The following WDR76 variants were observed in gnomAD, a reference collection of about 807,000 sequenced individuals.
WDR76 encodes WD repeat domain 76.
A neutral mutation model predicts 70.2 loss-of-function variants in WDR76; 52 were observed. The ratio of observed to expected loss-of-function variants is 0.74; its 90% CI spans 0.59 to 0.93. The LOEUF is 0.93. Ranked by LOEUF, WDR76 falls within the 40% of genes least tolerant of loss-of-function variation. The pLI is 0.00. For missense variants in WDR76, 756 were observed against 760.2 expected, an observed-to-expected ratio of 0.99 and a Z score of 0.07; for synonymous variants, 292 against 271.1, an observed-to-expected ratio of 1.08 and a Z score of -0.76.
chr15:43,864,041 T>C (rs1048333972), intron 12 of WDR76: 1 of 152,222 alleles, frequency 6.6e-6, no homozygotes, highest in Non-Finnish European at 1.5e-5. Flanking sequence ...AGTGAGGTCA[T>C]GTGGTATATG....
intron 12 of WDR76, 71 bp downstream of exon 12, chr15:43,861,457 A>G: frequency 7.4e-7 from 1 of 1,350,364 alleles, no homozygotes; most frequent in Non-Finnish European, 1.1e-6. Context: ...CATACATTAG[A>G]CATCTGATTG....
chr15:43,863,122 A>G (rs1444110236), intron 12 of WDR76, among the ~76,000 whole-genome samples: 1 of 152,126 alleles, frequency 6.6e-6, no homozygotes, highest in Non-Finnish European at 1.5e-5. Context: ...TTTTTTTAGT[A>G]GAGACAGGGT....
chr15:43,834,001 A>G (rs918606672), intron 2 of WDR76, among the ~76,000 whole-genome samples: 1 of 152,208 alleles, frequency 6.6e-6, no homozygotes, highest in Non-Finnish European at 1.5e-5. Flanking sequence ...CGAACAATGA[A>G]TTGGATATTG....
intron 12 of WDR76, among the ~76,000 whole-genome samples, chr15:43,862,276 CTTTTT>C: frequency 7.1e-5 from 3 of 42,168 alleles, no homozygotes; most frequent in African/African-American, 1.9e-4. Context: ...TTATCAGTTT[CTTTTT>C]TTTTTTTTTT....
chr15:43,844,675 C>T (rs1377921613), intron 8 of WDR76, among the ~76,000 whole-genome samples: 4 of 150,412 alleles, frequency 2.7e-5, no homozygotes, highest in Non-Finnish European at 4.4e-5. Flanking sequence ...TTTGGGAGGC[C>T]GAGGCGGGTG....
chr15:43,834,110 T>C (rs1298389973), intron 2 of WDR76, among the ~76,000 whole-genome samples: 1 of 152,140 alleles, frequency 6.6e-6, no homozygotes, highest in Non-Finnish European at 1.5e-5. Flanking sequence ...TTAAAAACTA[T>C]TGAGTTCTTA....
intron 5 of WDR76, 52 bp downstream of exon 5, chr15:43,839,780 T>G: frequency 6.6e-7 from 1 of 1,518,470 alleles, no homozygotes; most frequent in African/African-American, 1.4e-5. Flanking sequence ...ACTGAAAAAT[T>G]TGAAGTGTTG....
rs1012261515 is a variant in WDR76, at chr15:43,839,603, A to G, written c.609-2A>G. 2.1e-5 allele frequency: 34 copies of G among 1,606,550 alleles called. No homozygotes were observed. The Admixed American group carries it at 3.6e-4, about 17-fold the overall frequency. The stretch of plus-strand genomic sequence containing the variant: ...AACATGAGTTTTTCCCCACTCCTTT[A>G]GAAAGAAGCCTAAGAGAGAAAATGG... On this transcript the variant is annotated splice_acceptor_variant, in intron 4 of 12. Transcript: ENST00000263795. LOFTEE classifies it high-confidence loss of function.
chr15:43,865,080 C>G (rs1351431468), intron 12 of WDR76, among the ~76,000 whole-genome samples: 1 of 151,856 alleles, frequency 6.6e-6, no homozygotes, highest in Non-Finnish European at 1.5e-5. Context: ...CACCACCATG[C>G]CTGGCTAATT....
Position 43,866,451 on chromosome 15 carries a change from A to G in WDR76, c.*59A>G. ...TGACCACTGTCTAAGGAGCCTAGTA[A>G]TCGGCGTGCCTTAGTGTGTTTATGT... On this transcript the variant is annotated 3_prime_UTR_variant, in exon 13 of 13. Coordinates refer to ENST00000263795, the MANE Select transcript of WDR76 (RefSeq NM_024908.4). 6.3e-7 allele frequency: 1 copy of G among 1,587,254 alleles called. No homozygotes were observed. The highest frequency in any genetic ancestry group is 1.1e-5 in the South Asian group (1 of 88,758).
At chr15:43,856,795 C>G in intron 9 of WDR76, 151 bp from the exon 10 acceptor site, 1 of 644,678 alleles carries the variant, frequency 1.6e-6, no homozygotes, top group Admixed American at 3.1e-5. Context: ...ACTGTGTTTC[C>G]ATTATGTCCT....
chr15:43,860,910 CTTTTTTTTTTTTTT>C, intron 11 of WDR76, among the ~76,000 whole-genome samples: 1 of 79,018 alleles, frequency 1.3e-5, no homozygotes, highest in East Asian at 3.7e-4. Flanking sequence ...TGATCTTACT[CTTTTTTTTTTTTTT>C]TTTTTTTTTT....
chr15:43,865,947 T>G (rs2088064974), intron 12 of WDR76, among the ~76,000 whole-genome samples, 181 bp from the exon 13 acceptor site: 1 of 152,198 alleles, frequency 6.6e-6, no homozygotes, highest in African/African-American at 2.4e-5. Flanking sequence ...GAGGATATCG[T>G]CTCTGTCCAG....
chr15:43,853,903 C>CA (rs58460599), intron 9 of WDR76, among the ~76,000 whole-genome samples: 22,438 of 107,488 alleles, frequency 0.21, 2,553 homozygotes, highest in African/African-American at 0.36. Context: ...GAGACTGTCT[C>CA]AAAAAAAAAA....
chr15:43,851,246 G>T lies in WDR76; in HGVS notation c.1191+1G>T. On this transcript the variant is annotated splice_donor_variant, in intron 9 of 12. Transcript: ENST00000263795. LOFTEE classifies it high-confidence loss of function. ...TTTTTCCAGGGCTATTTTTGAAGAG[G>T]TAAATGTTAATGTGTTTACATGCTG... 1 of 1,613,864 alleles carries T rather than the reference G, an allele frequency of 6.2e-7. No individual in the cohort carries two copies. The highest frequency in any genetic ancestry group is 1.3e-5 in the African/African-American group (1 of 75,024).
intron 9 of WDR76, among the ~76,000 whole-genome samples, chr15:43,851,727 A>G (rs1461418222): frequency 6.6e-6 from 1 of 152,198 alleles, no homozygotes; most frequent in East Asian, 1.9e-4. Flanking sequence ...TCAGGCCAGG[A>G]GTTCCAGACC....
At chr15:43,852,244 C>T (rs1247698752) in intron 9 of WDR76, among the ~76,000 whole-genome samples, 2 of 151,384 alleles carry the variant, frequency 1.3e-5, no homozygotes, top group Admixed American at 6.6e-5. Context: ...AGTGCAGTGG[C>T]GAGATCTCGG....
chr15:43,855,313 G>A (rs1474952416), intron 9 of WDR76, among the ~76,000 whole-genome samples: 4 of 152,154 alleles, frequency 2.6e-5, no homozygotes, highest in East Asian at 1.9e-4. Context: ...CATTTAACAG[G>A]TGAAAAAACT....
At chr15:43,846,749 C>T (rs1308152137) in intron 8 of WDR76, among the ~76,000 whole-genome samples, 12 of 151,786 alleles carry the variant, frequency 7.9e-5, no homozygotes, top group Non-Finnish European at 1.3e-4. Context: ...CAGCCGGACG[C>T]GGTGGCTCAC....
Sources: gnomAD v4.1 joint callset for allele counts (sites outside exome capture counted in the v4.1 genomes callset) on GRCh38, gnomAD v4.1.1 for gene constraint, MANE v1.5 for transcripts, NCBI Gene and HGNC (gene_info 2026-07-23, HGNC 2026-07-21) for gene names.